The following MEI1 variants were observed in gnomAD, a reference collection of about 807,000 sequenced individuals.
MEI1 encodes the protein meiotic double-stranded break formation protein 1.
In MEI1, 103 loss-of-function variants were observed where a neutral mutation model predicts 146.2. That is an observed-to-expected ratio of 0.70 (90% confidence interval 0.60 to 0.83). The LOEUF is 0.83. Ranked by LOEUF, MEI1 falls within the 40% of genes least tolerant of loss-of-function variation. The pLI is 0.00. For synonymous variants in MEI1, 652 were observed against 628.2 expected (o/e 1.04, Z -0.57); for missense variants, 1,529 against 1,533.0 (o/e 1.00, Z 0.04).
chr22:41,720,835 G>T (rs2070714323), intron 6 of MEI1, among the ~76,000 whole-genome samples: 1 of 151,528 alleles, frequency 6.6e-6, no homozygotes, highest in South Asian at 2.1e-4. Flanking sequence ...GGAGTGGCGT[G>T]ATCTCTGCTC....
Position 41,781,830 on chromosome 22 carries a change from C to A in MEI1, c.3072C>A (p.His1024Gln), listed in dbSNP as rs770755779. ...LLTASFSAQQ[H>Q]KGSLQVHQTL... ...CTGCCTCCTTCTCTGCCCAGCAGCACAAGGGCAGTTTGCAGGTTAGTCTTT... is the reference window on the plus strand; with the variant it reads ...CTGCCTCCTTCTCTGCCCAGCAGCAAAAGGGCAGTTTGCAGGTTAGTCTTT... The change falls in exon 24 of 31, where the codon CAC (histidine) becomes CAA (glutamine). Residue 1024 changes from histidine (H) to glutamine (Q), a missense_variant. Transcript: ENST00000401548. 1.9e-6 allele frequency: 3 copies of A among 1,613,958 alleles called. No individual in the cohort carries two copies. Among genetic ancestry groups the A allele is most frequent in the Non-Finnish European group, 2.5e-6 (3 of 1,179,888 alleles).
intron 19 of MEI1, among the ~76,000 whole-genome samples, chr22:41,768,992 G>A (rs2075017793): frequency 6.6e-6 from 1 of 152,112 alleles, no homozygotes; most frequent in African/African-American, 2.4e-5. Flanking sequence ...TAAGATGGCA[G>A]TGCTCTCCAA....
intron 14 of MEI1, among the ~76,000 whole-genome samples, chr22:41,746,326 C>G (rs1182105915): frequency 6.6e-6 from 1 of 152,096 alleles, no homozygotes; most frequent in Non-Finnish European, 1.5e-5. Context: ...CCCAATGACC[C>G]TGGGAGATGG....
At chr22:41,790,527 A>C (rs1012420024) in intron 26 of MEI1, among the ~76,000 whole-genome samples, 1 of 152,158 alleles carries the variant, frequency 6.6e-6, no homozygotes, top group African/African-American at 2.4e-5. Context: ...CTGTGAATTG[A>C]GTATCACATT....
chr22:41,730,763 C>A, intron 9 of MEI1, 126 bp downstream of exon 9: 2 of 638,842 alleles, frequency 3.1e-6, no homozygotes, highest in Non-Finnish European at 5.8e-6. Context: ...GACATTTCAT[C>A]AGCCCAAACT....
At position 41,732,290 on chromosome 22, in the gene MEI1, A is replaced by G; in HGVS notation, c.1142A>G (p.Asn381Ser). The G allele has an allele frequency of 1.2e-6, 2 of 1,612,586 alleles. No individual in the cohort carries two copies. The highest frequency in any genetic ancestry group is 1.7e-6 in the Non-Finnish European group (2 of 1,179,404). ...AGCCTGCAGGGAAGCCTGAAGATGA[A>G]CAACATAGAGCTGCACAAGCAGGGC... ...VRSLQGSLKMNNIELHKQGLL... is the reference protein window; with the variant it reads ...VRSLQGSLKMSNIELHKQGLL... Residue 381 changes from asparagine (N) to serine (S), a missense_variant, in exon 10 of 31, where the codon AAC becomes AGC. Around this residue, in one of 3 missense-constraint regions of MEI1, gnomAD observed 1,212 missense variants for 1,178.9 expected, o/e 1.03. Coordinates refer to ENST00000401548, the MANE Select transcript of MEI1 (RefSeq NM_152513.4).
chr22:41,795,885 A>G lies in MEI1; in HGVS notation c.3779+38A>G, dbSNP rs2148267734. On this transcript the variant is annotated intron_variant, in intron 30 of 30. Coordinates refer to ENST00000401548, the MANE Select transcript of MEI1 (RefSeq NM_152513.4). This position sits in a 1 kb window ranked among gnomAD's most constrained non-coding sequence, Gnocchi z 4.2. Reference sequence around the variant, plus strand: ...GCATCTATGATGAAGGAGATGCCAAATCACTGGGTGTTTGGGGCTTCTCTT... The same window carrying G: ...GCATCTATGATGAAGGAGATGCCAAGTCACTGGGTGTTTGGGGCTTCTCTT... The G allele has an allele frequency of 6.2e-7, 1 of 1,612,720 alleles. No individual in the cohort carries two copies. The highest frequency in any genetic ancestry group is 1.7e-5 in the Admixed American group (1 of 59,890).
intron 21 of MEI1, among the ~76,000 whole-genome samples, chr22:41,776,680 G>A (rs965616528): frequency 6.6e-6 from 1 of 152,168 alleles, no homozygotes; most frequent in African/African-American, 2.4e-5. Flanking sequence ...TGAGATCCGG[G>A]GGATTAGTTT....
chr22:41,738,814 T>TA (rs2072613267), intron 11 of MEI1, among the ~76,000 whole-genome samples: 1 of 75,904 alleles, frequency 1.3e-5, no homozygotes, highest in Non-Finnish European at 2.9e-5. Context: ...AATAAATAAA[T>TA]AAAATTAGCT....
chr22:41,714,134 T>C, intron 4 of MEI1, 59 bp downstream of exon 4: 1 of 1,485,144 alleles, frequency 6.7e-7, no homozygotes. Context: ...CAGAGCTGGG[T>C]CAACCCTTTG....
At chr22:41,744,948 T>G (rs1365844866) in intron 12 of MEI1, 25 bp from the exon 13 acceptor site, 28 of 1,460,566 alleles carry the variant, frequency 1.9e-5, no homozygotes, top group Non-Finnish European at 2.2e-5. Flanking sequence ...GATCACTAGG[T>G]TCCTGTCTCT....
Position 41,781,796 on chromosome 22 carries a change from G to C in MEI1, c.3038G>C (p.Trp1013Ser). ...SPRTALLCSA[W>S]LLTASFSAQQ... ...AGGACTGCACTCCTCTGCTCTGCCT[G>C]GCTGCTCACTGCCTCCTTCTCTGCC... Residue 1013 changes from tryptophan to serine, a missense_variant, in exon 24 of 31, where the codon TGG becomes TCG. Physicochemically the swap from Trp to Ser is radical, Grantham distance 177. This residue lies in a region of MEI1 where 313 missense variants were observed against 337.3 expected (regional missense o/e 0.93). Transcript: ENST00000401548. The C allele has an allele frequency of 6.2e-7, 1 of 1,613,986 alleles. No homozygotes were observed. Among genetic ancestry groups the C allele is most frequent in the East Asian group, 2.2e-5 (1 of 44,882 alleles).
intron 14 of MEI1, 158 bp downstream of exon 14, chr22:41,746,184 T>G (rs550670357): frequency 2.2e-5 from 12 of 557,588 alleles, no homozygotes; most frequent in Non-Finnish European, 3.4e-5. Context: ...GTTCTAAAAA[T>G]AAAATGTAGT....
intron 3 of MEI1, among the ~76,000 whole-genome samples, chr22:41,706,033 T>A (rs181142519): frequency 6.6e-6 from 1 of 151,994 alleles, no homozygotes; most frequent in East Asian, 1.9e-4. Context: ...CTCTTCTTTT[T>A]GTTGAGACAT....
Position 41,777,305 on chromosome 22 carries a change from G to A in MEI1, c.2710+1038G>A, listed in dbSNP as rs184195585. ...ATAGTAGCTGGAATTACAGGCATGC[G>A]CCACTGCACCTGGCTAATTTTTTGT... On this transcript the variant is annotated intron_variant, in intron 21 of 30. Coordinates refer to ENST00000401548, the MANE Select transcript of MEI1 (RefSeq NM_152513.4). Among the ~76,000 whole-genome samples the A allele has an allele frequency of 1.6e-4, 24 of 151,878 alleles. 1 individual carries two copies. The South Asian group carries it at 4.2e-3, about 26-fold the overall frequency.
chr22:41,708,031 A>G (rs560660417), intron 3 of MEI1, among the ~76,000 whole-genome samples: 4 of 152,348 alleles, frequency 2.6e-5, no homozygotes, highest in East Asian at 1.9e-4. Context: ...AGATGTAACT[A>G]TCCTTCATTC....
chr22:41,774,599 A>C (rs1048881842), intron 20 of MEI1: 1 of 152,220 alleles, frequency 6.6e-6, no homozygotes, highest in African/African-American at 2.4e-5. Context: ...ACAAAGATGA[A>C]GTAGACCTCA....
chr22:41,703,443 G>C lies in MEI1; in HGVS notation c.287G>C (p.Ser96Thr), dbSNP rs1172571617. 6.3e-7 allele frequency: 1 copy of C among 1,582,472 alleles called. No individual in the cohort carries two copies. The highest frequency in any genetic ancestry group is 1.2e-5 in the South Asian group (1 of 86,314). Residue 96 changes from serine (S) to threonine (T), a missense_variant, in exon 2 of 31, where the codon AGT becomes ACT. Coordinates refer to ENST00000401548, the MANE Select transcript of MEI1 (RefSeq NM_152513.4). ...CAGAGAGTCTGCATCCACTTCATAA[G>C]TGTGCTTTTTGGTAAGATTAAGAGG... is the stretch of plus-strand genomic sequence containing the variant. ...QDQRVCIHFI[S>T]VLFGLLCSME...
chr22:41,727,390 G>A (rs983990478), intron 7 of MEI1, among the ~76,000 whole-genome samples: 1 of 152,146 alleles, frequency 6.6e-6, no homozygotes, highest in Non-Finnish European at 1.5e-5. Flanking sequence ...TAATAGCTAT[G>A]GTGACGAGTA....
Sources: gnomAD v4.1 joint callset for allele counts (sites outside exome capture counted in the v4.1 genomes callset) on GRCh38, gnomAD v4.1.1 for gene constraint, gnomAD v4.1.1 regional missense constraint, Gnocchi (gnomAD v3.1) non-coding constraint, MANE v1.5 for transcripts, NCBI Gene and HGNC (gene_info 2026-07-23, HGNC 2026-07-21) for gene names.